Variants in SUCLG2 observed in about 807,000 individuals in gnomAD.
The protein encoded by SUCLG2 is succinate-CoA ligase GDP-forming subunit beta.
SUCLG2 carries 42 observed loss-of-function variants against 47.9 expected under a neutral mutation model. That is an observed-to-expected ratio of 0.88 (90% CI 0.69 to 1.14). The LOEUF is 1.14. SUCLG2 is among the 50% of genes most tolerant of loss of function. The probability of loss-of-function intolerance (pLI) is 0.00; values close to 1 mark genes in which losing one functional copy is unlikely to be tolerated. For missense variants in SUCLG2, 571 were observed against 525.9 expected (o/e 1.09, Z -0.84); for synonymous variants, 195 against 197.3 (o/e 0.99, Z 0.10).
rs1701794412 is a variant in SUCLG2, at chr3:67,360,916, G to C, written c.1184-148C>G. 1.6e-5 allele frequency: 11 copies of C among 687,226 alleles called. No individual in the cohort carries two copies. The East Asian group carries it at 3.3e-4, about 21-fold the overall frequency. The allele number at this position is 687,226 out of a possible 1,614,324, so 42.6% of individuals were successfully genotyped here. On this transcript the variant is annotated intron_variant, in intron 10 of 10. Transcript: ENST00000493112. ...GATTCTTCTCCCACTGGAGGAATAT[G>C]CTTTGAGGACTGAACTTTTTTCCCT...
intron 2 of SUCLG2, among the ~76,000 whole-genome samples, chr3:67,552,294 A>G (rs1473967663): frequency 2.0e-5 from 3 of 152,154 alleles, no homozygotes; most frequent in Non-Finnish European, 4.4e-5. Context: ...CGTATCTCAC[A>G]TGTATTAATG....
At chr3:67,581,470 A>AT in intron 2 of SUCLG2, among the ~76,000 whole-genome samples, 1 of 152,294 alleles carries the variant, frequency 6.6e-6, no homozygotes, top group South Asian at 2.1e-4. Flanking sequence ...AACATTCAGT[A>AT]TTTTTTAGAA....
chr3:67,397,756 C>A (rs80247680), intron 10 of SUCLG2, among the ~76,000 whole-genome samples: 2 of 152,168 alleles, frequency 1.3e-5, no homozygotes, highest in Admixed American at 1.3e-4. Context: ...ATCACGCTAC[C>A]TCAGTTGAAA....
At chr3:67,453,141 A>C (rs1704097277) in intron 9 of SUCLG2, among the ~76,000 whole-genome samples, 1 of 152,128 alleles carries the variant, frequency 6.6e-6, no homozygotes, top group African/African-American at 2.4e-5. Context: ...TGAATATCAA[A>C]TATTATGATT....
chr3:67,645,344 C>A (rs764181015), intron 1 of SUCLG2, among the ~76,000 whole-genome samples: 6 of 152,080 alleles, frequency 3.9e-5, no homozygotes, highest in African/African-American at 1.4e-4. Flanking sequence ...GAGTTTTGGA[C>A]GTGGGACTCC....
chr3:67,376,533 G>A, intron 10 of SUCLG2: 2 of 969,058 alleles, frequency 2.1e-6, no homozygotes, highest in South Asian at 9.6e-5. Context: ...TAGAATTTAA[G>A]TGTCTAATGA....
At chr3:67,404,262 G>C (rs1458514903) in intron 9 of SUCLG2, among the ~76,000 whole-genome samples, 1 of 152,080 alleles carries the variant, frequency 6.6e-6, no homozygotes. Flanking sequence ...TATAGGAGGG[G>C]AACAGAAGGA....
In SUCLG2 at chr3:67,564,194, G is replaced by C. The variant is rs1174550805; in HGVS notation, c.227-35008C>G. ...CCTTCTGTAAACAGAGCGGCTGCCA[G>C]CACAGGAAGTAATAGTGTCCATTTT... On this transcript the variant is annotated intron_variant, in intron 2 of 10. Transcript: ENST00000307227. 2.0e-5 allele frequency among the ~76,000 whole-genome samples: 3 copies of C among 152,290 alleles called. No individual in the cohort carries two copies. The South Asian group carries it at 6.2e-4, about 32-fold the overall frequency.
rs145560599 is a variant in SUCLG2, at chr3:67,503,933, A to G, written c.757+4874T>C. On this transcript the variant is annotated intron_variant, in intron 7 of 10. Transcript: ENST00000307227. ...GCCTCTGACCCTAGAATTTTAACAGAAGAATGTGTCACAGAATTAAACAAA... is the reference window on the plus strand; with the variant it reads ...GCCTCTGACCCTAGAATTTTAACAGGAGAATGTGTCACAGAATTAAACAAA... 4.5e-3 allele frequency among the ~76,000 whole-genome samples: 687 copies of G among 152,302 alleles called. 12 individuals carry two copies. The East Asian group carries it at 0.059, about 13-fold the overall frequency.
At chr3:67,432,076 CAT>C (rs1441766492) in intron 9 of SUCLG2, among the ~76,000 whole-genome samples, 1 of 152,106 alleles carries the variant, frequency 6.6e-6, no homozygotes, top group African/African-American at 2.4e-5. Context: ...GTCCCAACTG[CAT>C]TTTTCAGCTG....
downstream of SUCLG2, among the ~76,000 whole-genome samples, chr3:67,374,207 G>A (rs1179843355): frequency 1.3e-5 from 2 of 152,114 alleles, no homozygotes; most frequent in East Asian, 1.9e-4. Flanking sequence ...CATTGCATGG[G>A]CATTAAGAAA....
intron 6 of SUCLG2, among the ~76,000 whole-genome samples, chr3:67,511,789 T>C (rs575298213): frequency 6.6e-6 from 1 of 151,672 alleles, no homozygotes; most frequent in East Asian, 1.9e-4. Flanking sequence ...TTTTGCCTAT[T>C]TTTCTATTGA....
chr3:67,407,521 A>G (rs542245892), intron 9 of SUCLG2, among the ~76,000 whole-genome samples: 1 of 152,316 alleles, frequency 6.6e-6, no homozygotes, highest in East Asian at 1.9e-4. Context: ...CCTCCCTGAC[A>G]TTGGTTGGAA....
At chr3:67,581,420 G>A (rs1006865259) in intron 2 of SUCLG2, among the ~76,000 whole-genome samples, 1 of 152,232 alleles carries the variant, frequency 6.6e-6, no homozygotes, top group African/African-American at 2.4e-5. Context: ...TCAATGAGAA[G>A]TGACTTTCTC....
intron 9 of SUCLG2, among the ~76,000 whole-genome samples, chr3:67,485,558 G>A (rs1234834049): frequency 6.6e-6 from 1 of 152,156 alleles, no homozygotes; most frequent in African/African-American, 2.4e-5. Flanking sequence ...AACAACATGA[G>A]AAGATGTTCA....
intron 2 of SUCLG2, among the ~76,000 whole-genome samples, chr3:67,536,543 C>A (rs1706547891): frequency 6.6e-6 from 1 of 152,186 alleles, no homozygotes; most frequent in African/African-American, 2.4e-5. Context: ...AAACCTGAGA[C>A]CTCTGTGCCT....
intron 1 of SUCLG2, among the ~76,000 whole-genome samples, chr3:67,640,028 C>A (rs1247412934): frequency 6.6e-6 from 1 of 151,566 alleles, no homozygotes; most frequent in Non-Finnish European, 1.5e-5. Context: ...AAGGAGATAG[C>A]ATAATTAAAA....
chr3:67,413,092 T>C (rs1341822155), intron 9 of SUCLG2, among the ~76,000 whole-genome samples: 1 of 152,186 alleles, frequency 6.6e-6, no homozygotes, highest in Non-Finnish European at 1.5e-5. Context: ...TTTTGGGACA[T>C]GGCTAATACC....
intron 9 of SUCLG2, among the ~76,000 whole-genome samples, chr3:67,408,018 T>C (rs981843593): frequency 1.3e-5 from 2 of 152,166 alleles, no homozygotes; most frequent in Non-Finnish European, 2.9e-5. Context: ...GGAGTCTAAA[T>C]AGATTCAGTC....
Sources: gnomAD v4.1 joint callset for allele counts (sites outside exome capture counted in the v4.1 genomes callset) on GRCh38, gnomAD v4.1.1 for gene constraint, MANE v1.5 for transcripts, NCBI Gene and HGNC (gene_info 2026-07-23, HGNC 2026-07-21) for gene names.